AGBL1: variants seen among roughly 807,000 people sequenced by gnomAD.
AGBL1 encodes the protein cytosolic carboxypeptidase 4.
In AGBL1, 130 loss-of-function variants were observed where a neutral mutation model predicts 118.9. The observed-to-expected ratio is 1.09, with a 90% CI of 0.95 to 1.26. AGBL1 has a LOEUF of 1.26. Among genes scored for constraint, AGBL1 ranks in the 50% most tolerant of loss-of-function variants. AGBL1 has a pLI of 0.00. For synonymous variants in AGBL1, 555 were observed against 478.9 expected, an observed-to-expected ratio of 1.16 and a Z score of -2.08; for missense variants, 1,584 against 1,298.1, an observed-to-expected ratio of 1.22 and a Z score of -3.38.
chr15:86,299,281 T>C (rs1301421730), intron 17 of AGBL1, among the ~76,000 whole-genome samples: 2 of 152,060 alleles, frequency 1.3e-5, no homozygotes, highest in Admixed American at 1.3e-4. Context: ...CTCTGGGAGA[T>C]TGTCACTGAA....
chr15:86,124,942 G>T (rs1597426673), intron 1 of AGBL1, among the ~76,000 whole-genome samples: 2 of 152,246 alleles, frequency 1.3e-5, no homozygotes, highest in East Asian at 3.9e-4. Context: ...CTTTATTTTG[G>T]GGAGGAATTA....
At position 86,771,701 on chromosome 15, in the gene AGBL1, TA is replaced by T. The variant is rs112540517; in HGVS notation, c.3158+97274del. On this transcript the variant is annotated intron_variant, in intron 22 of 22. Coordinates refer to ENST00000614907, the MANE Select transcript of AGBL1 (RefSeq NM_001386094.1). The stretch of plus-strand genomic sequence containing the variant: ...TGCTTGTCAGACATTCAGGGATGGA[TA>T]AAAAAAAAGAAAAAGCTTTCACAAA... 1.6e-4 allele frequency among the ~76,000 whole-genome samples: 24 copies of T among 151,234 alleles called. No homozygotes were observed. In the East Asian group the frequency reaches 3.5e-3, roughly 22 times the overall value.
chr15:86,545,211 C>G (rs1344308869), intron 19 of AGBL1, among the ~76,000 whole-genome samples: 3 of 152,162 alleles, frequency 2.0e-5, no homozygotes, highest in African/African-American at 7.2e-5. Flanking sequence ...AGAAAACATG[C>G]AGAGCAGAGT....
At chr15:86,790,482 G>C (rs756380834) in intron 22 of AGBL1, among the ~76,000 whole-genome samples, 1 of 152,078 alleles carries the variant, frequency 6.6e-6, no homozygotes, top group Non-Finnish European at 1.5e-5. Context: ...CTCAGAGCTT[G>C]GTGGGCATCA....
chr15:86,316,941 A>G (rs1028730379), intron 17 of AGBL1: 7 of 152,220 alleles, frequency 4.6e-5, no homozygotes, highest in African/African-American at 1.4e-4. Context: ...GCTCTTGTGT[A>G]GGATGATTGT....
chr15:86,084,616 A>T (rs946129676), intron 1 of AGBL1, among the ~76,000 whole-genome samples: 1 of 152,184 alleles, frequency 6.6e-6, no homozygotes, highest in African/African-American at 2.4e-5. Context: ...TATTTTGAGG[A>T]TATTACCTTC....
intron 24 of AGBL1, among the ~76,000 whole-genome samples, chr15:87,002,330 G>T (rs1443917090): frequency 6.6e-6 from 1 of 151,924 alleles, no homozygotes; most frequent in Non-Finnish European, 1.5e-5. Context: ...CTGTTCCATT[G>T]TTCTATATCT....
At chr15:86,269,887 GAT>G in intron 13 of AGBL1, 30 bp from the exon 14 acceptor site, 2 of 1,606,640 alleles carry the variant, frequency 1.2e-6, no homozygotes, top group Non-Finnish European at 1.7e-6. Context: ...AGACTTTCCA[GAT>G]AACCCTCCAG....
intron 19 of AGBL1, among the ~76,000 whole-genome samples, chr15:86,538,404 A>T (rs1387414409): frequency 1.3e-5 from 2 of 152,176 alleles, no homozygotes; most frequent in African/African-American, 4.8e-5. Flanking sequence ...CTAAGGAGAG[A>T]GTATGGCTAT....
At chr15:86,859,423 G>T (rs917846640) in intron 22 of AGBL1, among the ~76,000 whole-genome samples, 1 of 152,290 alleles carries the variant, frequency 6.6e-6, no homozygotes, top group African/African-American at 2.4e-5. Context: ...TTTAATAAAA[G>T]AATGTTGTCA....
At chr15:86,183,275 C>T (rs2077578141) in intron 5 of AGBL1, among the ~76,000 whole-genome samples, 1 of 152,144 alleles carries the variant, frequency 6.6e-6, no homozygotes, top group African/African-American at 2.4e-5. Context: ...GGGTAAATAA[C>T]ACAATTTTTG....
intron 6 of AGBL1, among the ~76,000 whole-genome samples, chr15:86,229,381 G>A (rs975942714): frequency 6.6e-6 from 1 of 151,816 alleles, no homozygotes; most frequent in African/African-American, 2.4e-5. Context: ...CAAGCAAAAG[G>A]GCAAAAAAAC....
intron 21 of AGBL1, among the ~76,000 whole-genome samples, chr15:86,570,419 G>C (rs2083988492): frequency 6.6e-6 from 1 of 152,224 alleles, no homozygotes; most frequent in African/African-American, 2.4e-5. Flanking sequence ...AGAGTCATGT[G>C]CAAAGACATT....
intron 17 of AGBL1, among the ~76,000 whole-genome samples, chr15:86,383,344 T>C (rs2081139427): frequency 6.6e-6 from 1 of 151,284 alleles, no homozygotes; most frequent in South Asian, 2.1e-4. Context: ...TCCCAGCACT[T>C]TGGGAGGCTG....
intron 18 of AGBL1, among the ~76,000 whole-genome samples, chr15:86,454,052 T>A (rs1315950524): frequency 6.6e-6 from 1 of 152,208 alleles, no homozygotes; most frequent in East Asian, 1.9e-4. Flanking sequence ...TGACTTTTTC[T>A]TACTCTCTTC....
downstream of AGBL1, among the ~76,000 whole-genome samples, chr15:86,918,196 T>C (rs749937949): frequency 1.3e-5 from 2 of 152,224 alleles, no homozygotes; most frequent in Non-Finnish European, 2.9e-5. Flanking sequence ...TTGGGCTGAA[T>C]GTTTACTATT....
At chr15:86,858,632 AC>A (rs2079519147) in intron 22 of AGBL1, among the ~76,000 whole-genome samples, 1 of 152,186 alleles carries the variant, frequency 6.6e-6, no homozygotes, top group African/African-American at 2.4e-5. Flanking sequence ...AAAGAAACTA[AC>A]CCCCTTGCTC....
chr15:86,257,038 A>G lies in AGBL1; in HGVS notation c.901+20A>G, dbSNP rs1333830794. On this transcript the variant is annotated intron_variant, in intron 8 of 22. Coordinates refer to ENST00000614907, the MANE Select transcript of AGBL1 (RefSeq NM_001386094.1). The stretch of plus-strand genomic sequence containing the variant: ...CTGAAGGTAAAATAAGTTGGTAACT[A>G]TGACCTTTAAGATGAGTTTTTGCAT... 6.8e-6 allele frequency: 11 copies of G among 1,608,834 alleles called. No homozygotes were observed. The highest frequency in any genetic ancestry group is 8.5e-6 in the Non-Finnish European group (10 of 1,177,052).
At chr15:86,260,503 A>G (rs1239316993) in intron 9 of AGBL1, among the ~76,000 whole-genome samples, 3 of 152,224 alleles carry the variant, frequency 2.0e-5, no homozygotes, top group Non-Finnish European at 4.4e-5. Flanking sequence ...AACAGAGTGA[A>G]TTCAAGCTCT....
Sources: gnomAD v4.1 joint callset for allele counts (sites outside exome capture counted in the v4.1 genomes callset) on GRCh38, gnomAD v4.1.1 for gene constraint, MANE v1.5 for transcripts, NCBI Gene and HGNC (gene_info 2026-07-23, HGNC 2026-07-21) for gene names.